NF1: variants seen among roughly 807,000 people sequenced by gnomAD.
NF1 encodes neurofibromin 1.
A neutral mutation model predicts 325.7 loss-of-function variants in NF1; 122 were observed. That is an observed-to-expected ratio of 0.37 (90% CI 0.32 to 0.44). The LOEUF (loss-of-function observed/expected upper bound fraction) is 0.44, where lower values mean the gene tolerates loss of function less well. NF1 is among the 20% of genes least tolerant of loss of function. NF1 has a pLI of 1.00. For missense variants in NF1, 2,140 were observed against 3,415.4 expected, an observed-to-expected ratio of 0.63 and a Z score of 9.31; for synonymous variants, 1,091 against 1,186.0, an observed-to-expected ratio of 0.92 and a Z score of 1.65.
chr17:31,156,096 C>T lies in NF1; in HGVS notation c.174C>T (p.Leu58=), dbSNP rs2065657421. ...AGTTTTCTTTGGTTATAAGCGGCCTCACTACTATTTTAAAGAATGTTAACA... is the reference window on the plus strand; with the variant it reads ...AGTTTTCTTTGGTTATAAGCGGCCTTACTACTATTTTAAAGAATGTTAACA... ...KYKFSLVISG[L]TTILKNVNNM... Residue 58 remains leucine, a synonymous_variant, in exon 2 of 58, where the codon CTC becomes CTT. Coordinates refer to ENST00000358273, the MANE Select transcript of NF1 (RefSeq NM_001042492.3). 4 of 1,613,606 alleles carry T rather than the reference C, an allele frequency of 2.5e-6. No individual in the cohort carries two copies. The highest frequency in any genetic ancestry group is 3.4e-6 in the Non-Finnish European group (4 of 1,179,770).
At chr17:31,356,614 A>C in intron 52 of NF1, 32 bp downstream of exon 52, 1 of 1,612,520 alleles carries the variant, frequency 6.2e-7, no homozygotes, top group Non-Finnish European at 8.5e-7. Context: ...TAGATCATTG[A>C]AAATAAGGTG....
In NF1 at chr17:31,287,577, T is replaced by TGTGA. The variant is rs530472361; in HGVS notation, c.4835+22239_4835+22240insTGAG. On this transcript the variant is annotated intron_variant, in intron 36 of 57. Transcript: ENST00000358273. ...GTGTGTGTGTGTGTGTGTGTGTGTGTGACACAGGGTGTGGCTTTGTCACCC... is the reference window on the plus strand; with the variant it reads ...GTGTGTGTGTGTGTGTGTGTGTGTGTGTGAGACACAGGGTGTGGCTTTGTCACCC... Among the ~76,000 whole-genome samples, 432 of 149,686 alleles carry TGTGA rather than the reference T, an allele frequency of 2.9e-3. 4 individuals carry two copies. The highest frequency in any genetic ancestry group is 0.01 in the African/African-American group (416 of 41,098).
At chr17:31,156,560 C>G (rs2065666383) in intron 2 of NF1, among the ~76,000 whole-genome samples, 1 of 152,152 alleles carries the variant, frequency 6.6e-6, no homozygotes, top group Admixed American at 6.5e-5. Flanking sequence ...AAAATATGAT[C>G]TCATAGTCCT....
intron 36 of NF1, among the ~76,000 whole-genome samples, chr17:31,319,926 T>C (rs955985208): frequency 1.3e-5 from 2 of 152,100 alleles, no homozygotes; most frequent in African/African-American, 4.8e-5. Context: ...TCTTGATGAT[T>C]TGGGATGAAG....
chr17:31,290,059 A>T lies in NF1; in HGVS notation c.4835+24720A>T, dbSNP rs376631579. ...TTCTTTTTATGTCCTTTGCCCATTT[A>T]TTCATTGAGAATTTTAAGATTTTTT... On this transcript the variant is annotated intron_variant, in intron 36 of 57. Transcript: ENST00000358273. Among the ~76,000 whole-genome samples the T allele has an allele frequency of 5.9e-5, 9 of 152,100 alleles. No individual in the cohort carries two copies. The East Asian group carries it at 1.5e-3, about 26-fold the overall frequency.
intron 1 of NF1, among the ~76,000 whole-genome samples, chr17:31,150,797 C>T (rs563153391): frequency 4.6e-5 from 7 of 151,908 alleles, no homozygotes; most frequent in East Asian, 1.9e-4. Context: ...TTTGGGAGGC[C>T]GAGGTGGGTG....
chr17:31,179,309 A>G (rs899892676), intron 5 of NF1, among the ~76,000 whole-genome samples: 2 of 152,212 alleles, frequency 1.3e-5, no homozygotes, highest in African/African-American at 4.8e-5. Context: ...GTTCTTTGAA[A>G]CCAATGAGAA....
intron 46 of NF1, 57 bp downstream of exon 46, chr17:31,338,862 C>G (rs2069749370): frequency 9.1e-7 from 1 of 1,099,342 alleles, no homozygotes; most frequent in Non-Finnish European, 1.4e-6. Context: ...TTGAATGTTA[C>G]TTTCTTTCAA....
chr17:31,360,941 G>A (rs1036171032), intron 57 of NF1: 11 of 557,144 alleles, frequency 2.0e-5, no homozygotes, highest in Admixed American at 6.1e-5. Context: ...TTCCAAGGTT[G>A]ACAAGTTTGT....
At chr17:31,184,261 C>T (rs1038199778) in intron 8 of NF1, among the ~76,000 whole-genome samples, 1 of 152,110 alleles carries the variant, frequency 6.6e-6, no homozygotes, top group Non-Finnish European at 1.5e-5. Flanking sequence ...AGTTTAGTGA[C>T]CCTATACATA....
At chr17:31,147,727 C>T (rs1916674351) in intron 1 of NF1, among the ~76,000 whole-genome samples, 2 of 152,186 alleles carry the variant, frequency 1.3e-5, no homozygotes, top group African/African-American at 4.8e-5. Context: ...TCACTGAGAA[C>T]TGTATTTACT....
At chr17:31,168,751 G>C (rs982123827) in intron 4 of NF1, among the ~76,000 whole-genome samples, 4 of 152,068 alleles carry the variant, frequency 2.6e-5, no homozygotes, top group African/African-American at 9.7e-5. Context: ...ATTGGATTTC[G>C]ATGTTATCAG....
intron 1 of NF1, among the ~76,000 whole-genome samples, chr17:31,118,046 A>T (rs192675143): frequency 6.6e-6 from 1 of 152,260 alleles, no homozygotes; most frequent in African/African-American, 2.4e-5. Context: ...ACGCATATGA[A>T]AGTAATACAT....
At chr17:31,150,662 A>T (rs1916866363) in intron 1 of NF1, among the ~76,000 whole-genome samples, 1 of 152,138 alleles carries the variant, frequency 6.6e-6, no homozygotes, top group African/African-American at 2.4e-5. Flanking sequence ...TTGTATCTAT[A>T]TTATCAAGTA....
At chr17:31,134,378 T>A (rs182459270) in intron 1 of NF1, among the ~76,000 whole-genome samples, 1 of 152,238 alleles carries the variant, frequency 6.6e-6, no homozygotes, top group African/African-American at 2.4e-5. Flanking sequence ...CTAGAGTGTT[T>A]CATATGAATA....
At chr17:31,295,818 C>T (rs918432835) in intron 36 of NF1, 6 of 1,613,970 alleles carry the variant, frequency 3.7e-6, no homozygotes, top group Admixed American at 1.7e-5. Flanking sequence ...GACAGGTCCA[C>T]GATATGTAGT....
chr17:31,148,628 C>G (rs1916737198), intron 1 of NF1, among the ~76,000 whole-genome samples: 1 of 152,042 alleles, frequency 6.6e-6, no homozygotes, highest in Non-Finnish European at 1.5e-5. Context: ...ATAGATACTT[C>G]TATTTCAAAT....
At chr17:31,351,833 T>C (rs1184184795) in intron 50 of NF1, among the ~76,000 whole-genome samples, 1 of 152,000 alleles carries the variant, frequency 6.6e-6, no homozygotes, top group African/African-American at 2.4e-5. Context: ...TTGTAAACTT[T>C]CTTAAAACAT....
At chr17:31,098,104 T>TTATATATAG (rs1336853852) in intron 1 of NF1, among the ~76,000 whole-genome samples, 1 of 148,280 alleles carries the variant, frequency 6.7e-6, no homozygotes, top group African/African-American at 2.4e-5. Context: ...CTTATATATA[T>TTATATATAG]TATATATAGT....
Sources: gnomAD v4.1 joint callset for allele counts (sites outside exome capture counted in the v4.1 genomes callset) on GRCh38, gnomAD v4.1.1 for gene constraint, MANE v1.5 for transcripts, NCBI Gene and HGNC (gene_info 2026-07-23, HGNC 2026-07-21) for gene names.